MACROD2: variants seen among roughly 807,000 people sequenced by gnomAD.
MACROD2 encodes the protein mono-ADP ribosylhydrolase 2.
MACROD2 carries 36 observed loss-of-function variants against 70.4 expected under a neutral mutation model. The observed-to-expected ratio is 0.51, with a 90% confidence interval of 0.39 to 0.68. MACROD2 has a LOEUF of 0.68. MACROD2 is among the 30% of genes least tolerant of loss of function. The probability of loss-of-function intolerance (pLI) is 0.00; values close to 1 mark genes in which losing one functional copy is unlikely to be tolerated. For synonymous variants in MACROD2, 172 were observed against 178.8 expected, an observed-to-expected ratio of 0.96 and a Z score of 0.30; for missense variants, 496 against 538.4, an observed-to-expected ratio of 0.92 and a Z score of 0.78.
Position 14,684,867 on chromosome 20 carries a change from C to T in MACROD2, c.326C>T (p.Ala109Val). 6.2e-7 allele frequency: 1 copy of T among 1,613,982 alleles called. No individual in the cohort carries two copies. The highest frequency in any genetic ancestry group is 8.5e-7 in the Non-Finnish European group (1 of 1,179,896). Residue 109 changes from alanine (A) to valine (V), a missense_variant, in exon 5 of 18, where the codon GCC becomes GTC. Physicochemically the swap from Ala to Val is moderately conservative, Grantham distance 64 (BLOSUM62 0). Coordinates refer to ENST00000684519, the MANE Select transcript of MACROD2 (RefSeq NM_001351661.2). ...GTGGATGGCTGTATTCATAGAGCAG[C>T]CGGCCCCTGTTTGCTAGCTGAATGT... ...GGVDGCIHRA[A>V]GPCLLAECRN... is the part of the protein sequence containing the mutation.
intron 3 of MACROD2, among the ~76,000 whole-genome samples, chr20:14,365,342 A>T (rs1473153093): frequency 6.6e-6 from 1 of 151,660 alleles, no homozygotes; most frequent in Non-Finnish European, 1.5e-5. Flanking sequence ...TGGGATAAAT[A>T]AATGAAATAA....
chr20:14,413,469 A>G (rs1485628714), intron 3 of MACROD2, among the ~76,000 whole-genome samples: 1 of 152,082 alleles, frequency 6.6e-6, no homozygotes, highest in Non-Finnish European at 1.5e-5. Flanking sequence ...TATTTTATGG[A>G]CCCTGTTGAA....
intron 2 of MACROD2, among the ~76,000 whole-genome samples, chr20:14,004,014 C>G (rs1036087450): frequency 6.6e-6 from 1 of 152,082 alleles, no homozygotes; most frequent in African/African-American, 2.4e-5. Context: ...GGCTACAGGT[C>G]GAGTATCCCT....
chr20:14,363,913 A>C (rs905137862), intron 3 of MACROD2, among the ~76,000 whole-genome samples: 1 of 151,746 alleles, frequency 6.6e-6, no homozygotes, highest in Non-Finnish European at 1.5e-5. Flanking sequence ...GGAACACTGC[A>C]ATCTAGTGAT....
Position 14,735,650 on chromosome 20 carries a change from C to T in MACROD2, c.418+50691C>T, listed in dbSNP as rs530407565. On this transcript the variant is annotated intron_variant, in intron 5 of 17. Transcript: ENST00000684519. ...CTTGCTTGAGCCCAGGAGTTCGTGA[C>T]CAGCCTGGACAATGTGGCAAAACCG... 2.6e-5 allele frequency among the ~76,000 whole-genome samples: 4 copies of T among 152,038 alleles called. No homozygotes were observed. In the South Asian group the frequency reaches 8.3e-4, roughly 32 times the overall value.
intron 5 of MACROD2, among the ~76,000 whole-genome samples, chr20:14,817,331 A>G (rs145160302): frequency 6.8e-4 from 103 of 152,226 alleles, no homozygotes; most frequent in African/African-American, 2.1e-3. Flanking sequence ...GCCCATGACC[A>G]ATTCACTGGT....
chr20:15,550,749 A>G (rs117457932), intron 8 of MACROD2, among the ~76,000 whole-genome samples: 2,920 of 152,284 alleles, frequency 0.019, 45 homozygotes, highest in Non-Finnish European at 0.031. Context: ...GGGTAGCACA[A>G]CAGGCACTGG....
chr20:15,477,808 A>G (rs146966208), intron 7 of MACROD2, among the ~76,000 whole-genome samples: 2 of 152,320 alleles, frequency 1.3e-5, no homozygotes, highest in African/African-American at 4.8e-5. Context: ...GATGATCCAC[A>G]TGGGCCCAAT....
intron 2 of MACROD2, among the ~76,000 whole-genome samples, chr20:14,048,555 G>A (rs1158915521): frequency 6.6e-6 from 1 of 152,056 alleles, no homozygotes; most frequent in East Asian, 1.9e-4. Context: ...TCAGTATTAC[G>A]ACCCTAAAGT....
At chr20:14,216,078 C>T (rs752942526) in intron 3 of MACROD2, among the ~76,000 whole-genome samples, 1 of 151,906 alleles carries the variant, frequency 6.6e-6, no homozygotes, top group Non-Finnish European at 1.5e-5. Context: ...GTCATGAAAT[C>T]GTAAGCCAAT....
chr20:14,239,936 A>G (rs1188253452), intron 3 of MACROD2, among the ~76,000 whole-genome samples: 1 of 152,256 alleles, frequency 6.6e-6, no homozygotes. Context: ...TGCACATCTG[A>G]CAAGGCTCTT....
intron 8 of MACROD2, among the ~76,000 whole-genome samples, chr20:15,857,931 T>C (rs1459217202): frequency 6.6e-6 from 1 of 152,170 alleles, no homozygotes; most frequent in African/African-American, 2.4e-5. Context: ...AAACAATCTC[T>C]GGATGTGAGG....
Position 14,326,541 on chromosome 20 carries a change from T to C in MACROD2, c.272-166938T>C. ...CACGCACGTTGACCTTCACAGGTAGTGATTGTAACCAGTCACGTACCCATT... is the reference window on the plus strand; with the variant it reads ...CACGCACGTTGACCTTCACAGGTAGCGATTGTAACCAGTCACGTACCCATT... On this transcript the variant is annotated intron_variant, in intron 3 of 17. Transcript: ENST00000684519. This position sits in a 1 kb window ranked among gnomAD's most constrained non-coding sequence, Gnocchi z 5.5. 6.2e-7 allele frequency: 1 copy of C among 1,613,884 alleles called. No individual in the cohort carries two copies. The highest frequency in any genetic ancestry group is 1.1e-5 in the South Asian group (1 of 91,072).
At chr20:15,356,929 G>A (rs1156346429) in intron 6 of MACROD2, among the ~76,000 whole-genome samples, 1 of 152,154 alleles carries the variant, frequency 6.6e-6, no homozygotes, top group Non-Finnish European at 1.5e-5. Context: ...TGTCATGAAA[G>A]TATTACAAAC....
At chr20:15,227,849 T>TTTTTTTTTTTTC (rs2076923856) in intron 5 of MACROD2, among the ~76,000 whole-genome samples, 2 of 142,876 alleles carry the variant, frequency 1.4e-5, no homozygotes, top group African/African-American at 2.6e-5. Flanking sequence ...TTTTTTTTTT[T>TTTTTTTTTTTTC]CAAATTTAAT....
intron 15 of MACROD2, among the ~76,000 whole-genome samples, chr20:15,994,423 A>G (rs2066600253): frequency 6.6e-6 from 1 of 152,206 alleles, no homozygotes; most frequent in African/African-American, 2.4e-5. Context: ...TTCGAACAAG[A>G]TGTAGAACGT....
At chr20:14,184,102 T>C (rs1481306509) in intron 3 of MACROD2, among the ~76,000 whole-genome samples, 1 of 152,196 alleles carries the variant, frequency 6.6e-6, no homozygotes, top group Non-Finnish European at 1.5e-5. Flanking sequence ...ATGAAATCTT[T>C]GCTTGTGCCT....
At chr20:14,507,278 C>T (rs475471) in intron 4 of MACROD2, among the ~76,000 whole-genome samples, 124,653 of 151,998 alleles carry the variant, frequency 0.82, 51,521 homozygotes, top group East Asian at 1. Flanking sequence ...GCTCCTGTTA[C>T]ATATATGTTG....
chr20:14,218,429 A>G (rs1205386498), intron 3 of MACROD2, among the ~76,000 whole-genome samples: 1 of 152,202 alleles, frequency 6.6e-6, no homozygotes, highest in Non-Finnish European at 1.5e-5. Flanking sequence ...TCCTGAAGGA[A>G]GCAGATAGTT....
Sources: allele counts gnomAD v4.1 joint callset (sites outside exome capture counted in the v4.1 genomes callset), GRCh38; gene constraint gnomAD v4.1.1; non-coding constraint Gnocchi (gnomAD v3.1); transcripts MANE v1.5; gene names NCBI Gene and HGNC (gene_info 2026-07-23, HGNC 2026-07-21).